The following ZNF469 variants were observed in gnomAD, a reference collection of about 807,000 sequenced individuals.
ZNF469 encodes the protein zinc finger protein 469.
Under a neutral mutation model 1.0 loss-of-function variants are expected in ZNF469, and 1 was observed. The ratio of observed to expected loss-of-function variants is 1.00; its 90% CI spans 0.35 to 4.73. The LOEUF is 4.73. Among genes scored for constraint, ZNF469 ranks in the 30% most tolerant of loss-of-function variants. ZNF469 has a pLI of 0.16. For missense variants in ZNF469, 6,100 were observed against 5,356.3 expected (o/e 1.14, Z -4.33); for synonymous variants, 2,703 against 2,363.4 (o/e 1.14, Z -4.17).
At chr16:88,122,575 G>A in the ZNF469 span, among the ~76,000 whole-genome samples, 4 of 152,038 alleles carry the variant, frequency 2.6e-5, no homozygotes, top group Admixed American at 6.6e-5. Flanking sequence ...CACTCACTAC[G>A]GCCACGGCAG....
rs1473740101 is a variant in ZNF469, at chr16:88,383,271, CGCCTGGGCGCGCGCGGT to C, written c.-192+25_-192+41del. Among the ~76,000 whole-genome samples the C allele has an allele frequency of 6.8e-6, 1 of 147,082 alleles. No individual in the cohort carries two copies. The highest frequency in any genetic ancestry group is 1.5e-5 in the Non-Finnish European group (1 of 66,026). ...GGAGCGGAGGTGAGTGCGGATGCGCCGCCTGGGCGCGCGCGGTGCCTGGGGACCCCGGGCTGGAACGC... is the reference window on the plus strand; with the variant it reads ...GGAGCGGAGGTGAGTGCGGATGCGCCGCCTGGGGACCCCGGGCTGGAACGC... On this transcript the variant is annotated intron_variant, in intron 1 of 2. Transcript: ENST00000565624.
chr16:88,438,200 G>T lies in ZNF469; in HGVS notation c.10730G>T (p.Arg3577Met), dbSNP rs1906739110. 1 of 1,547,274 alleles carries T rather than the reference G, an allele frequency of 6.5e-7. No individual in the cohort carries two copies. The highest frequency in any genetic ancestry group is 8.7e-7 in the Non-Finnish European group (1 of 1,144,724). The change falls in exon 3 of 3, where the codon AGG becomes ATG. Residue 3577 changes from arginine (R) to methionine (M), a missense_variant. Coordinates refer to ENST00000565624, the MANE Select transcript of ZNF469 (RefSeq NM_001367624.2). ...GDCALDGALERPENEASPGSP... is the reference protein window; with the variant it reads ...GDCALDGALEMPENEASPGSP... ...TGCGCGCTGGACGGAGCCCTGGAGA[G>T]GCCAGAGAACGAGGCTTCCCCAGGC...
At chr16:88,186,092 T>G in the ZNF469 span, among the ~76,000 whole-genome samples, 1 of 152,348 alleles carries the variant, frequency 6.6e-6, no homozygotes, top group East Asian at 1.9e-4. Flanking sequence ...CCCGGATCAC[T>G]GGGCCGACAC....
chr16:88,428,321 G>A lies in ZNF469; in HGVS notation c.851G>A (p.Ser284Asn), dbSNP rs1905848558. The change falls in exon 3 of 3, where the codon AGC becomes AAC. Residue 284 changes from serine (S) to asparagine (N), a missense_variant. Transcript: ENST00000565624. The stretch of plus-strand genomic sequence containing the variant: ...CCCTTCCCGGCACTGCATGGGGCCA[G>A]CACAAAACCCTTCCCTGCGGATGTG... Reference protein sequence around the residue: ...QFPFPALHGASTKPFPADVAG... With the variant: ...QFPFPALHGANTKPFPADVAG... The A allele has an allele frequency of 1.3e-6, 2 of 1,549,996 alleles. No homozygotes were observed. The highest frequency in any genetic ancestry group is 1.7e-6 in the Non-Finnish European group (2 of 1,146,950).
chr16:88,374,335 C>G, the ZNF469 span, among the ~76,000 whole-genome samples: 1 of 152,184 alleles, frequency 6.6e-6, no homozygotes, highest in African/African-American at 2.4e-5. Flanking sequence ...GCAAAGCTGG[C>G]AGCAAGGGAG....
chr16:88,234,635 C>A, the ZNF469 span: 1 of 152,288 alleles, frequency 6.6e-6, no homozygotes, highest in South Asian at 2.1e-4. Flanking sequence ...GGGAGCTGGG[C>A]GCGCTCTTCT....
chr16:88,308,099 C>A, the ZNF469 span, among the ~76,000 whole-genome samples: 1 of 152,214 alleles, frequency 6.6e-6, no homozygotes, highest in African/African-American at 2.4e-5. Flanking sequence ...ATTATTCTTT[C>A]CCTGTTAAAC....
the ZNF469 span, among the ~76,000 whole-genome samples, chr16:88,246,040 G>C: frequency 6.6e-6 from 1 of 152,282 alleles, no homozygotes; most frequent in African/African-American, 2.4e-5. Context: ...GACACAGGAA[G>C]GTCAGCCAGT....
the ZNF469 span, among the ~76,000 whole-genome samples, chr16:88,291,148 G>A: frequency 0.58 from 87,556 of 152,018 alleles, 26,230 homozygotes; most frequent in East Asian, 0.78. Context: ...GGGGCAGTCC[G>A]GGCTCCCCAC....
At chr16:88,129,999 T>A in the ZNF469 span, among the ~76,000 whole-genome samples, 1 of 152,252 alleles carries the variant, frequency 6.6e-6, no homozygotes, top group South Asian at 2.1e-4. Flanking sequence ...GATCAAGTCC[T>A]GGTCCTGTGG....
intron 1 of ZNF469, among the ~76,000 whole-genome samples, chr16:88,393,779 G>A (rs531286218): frequency 2.6e-5 from 4 of 152,368 alleles, no homozygotes; most frequent in Admixed American, 1.3e-4. Flanking sequence ...CAGAGGCCAG[G>A]GCCGGTGTGC....
At chr16:88,364,273 A>G in the ZNF469 span, among the ~76,000 whole-genome samples, 4 of 152,192 alleles carry the variant, frequency 2.6e-5, no homozygotes, top group African/African-American at 9.7e-5. Context: ...AGGTGACTGC[A>G]TATGTACAGA....
rs574791859 is a variant in ZNF469, at chr16:88,428,734, C to A, written c.1264C>A (p.Pro422Thr). The A allele has an allele frequency of 1.3e-6, 2 of 1,547,168 alleles. No homozygotes were observed. The highest frequency in any genetic ancestry group is 2.4e-5 in the South Asian group (2 of 84,042). The change falls in exon 3 of 3, where the codon CCT becomes ACT. Residue 422 changes from proline (P) to threonine (T), a missense_variant. Physicochemically the swap from Pro to Thr is conservative, Grantham distance 38. Coordinates refer to ENST00000565624, the MANE Select transcript of ZNF469 (RefSeq NM_001367624.2). ...RASGVDTSPG[P>T]PDTELAAPGP... ...CAGTGGGGTGGACACCAGCCCGGGG[C>A]CTCCGGACACCGAGCTGGCCGCCCC... is the stretch of plus-strand genomic sequence containing the variant.
Position 88,424,542 on chromosome 16 carries a change from G to C in ZNF469, c.-191-265G>C, listed in dbSNP as rs1367388552. On this transcript the variant is annotated intron_variant, in intron 1 of 2. Coordinates refer to ENST00000565624, the MANE Select transcript of ZNF469 (RefSeq NM_001367624.2). This position sits in a 1 kb window ranked among gnomAD's most constrained non-coding sequence, Gnocchi z 4.3. ...TGCGTACATAAAGACCCAACAAAAA[G>C]AGATTTAAGATAGCCGTCAAAGCTG... is the stretch of plus-strand genomic sequence containing the variant. Among the ~76,000 whole-genome samples the C allele has an allele frequency of 3.3e-5, 5 of 152,184 alleles. No homozygotes were observed. Among genetic ancestry groups the C allele is most frequent in the African/African-American group, 9.7e-5 (4 of 41,444 alleles).
the ZNF469 span, among the ~76,000 whole-genome samples, chr16:88,243,911 CATATATATATATATATAT>C: frequency 0.013 from 338 of 26,280 alleles, 12 homozygotes; most frequent in African/African-American, 0.023. Flanking sequence ...TGGCTGGATG[CATATATATATATATATAT>C]ATATATATAT....
At position 88,433,149 on chromosome 16, in the gene ZNF469, C is replaced by T; in HGVS notation, c.5679C>T (p.Ser1893=). Residue 1893 remains serine (S), a synonymous_variant, in exon 3 of 3, where the codon TCC becomes TCT. Coordinates refer to ENST00000565624, the MANE Select transcript of ZNF469 (RefSeq NM_001367624.2). ...CCAACACCCACCCTAGCAGGAGGTC[C>T]CAGGACCCAGCTTTGAGCCCCCCCA... ...CVSNTHPSRR[S]QDPALSPPIR... 5 of 1,550,334 alleles carry T rather than the reference C, an allele frequency of 3.2e-6. No homozygotes were observed. Among genetic ancestry groups the T allele is most frequent in the Non-Finnish European group, 4.4e-6 (5 of 1,146,938 alleles).
In ZNF469 at chr16:88,420,893, G is replaced by A. The variant is rs190231401; in HGVS notation, c.-191-3914G>A. ...GGATCTGAGAGTCAAGCCCAGGTGG[G>A]GCTGGCCCCAAAGCCCCCTGTGTGG... On this transcript the variant is annotated intron_variant, in intron 1 of 2. Coordinates refer to ENST00000565624, the MANE Select transcript of ZNF469 (RefSeq NM_001367624.2). 2.0e-3 allele frequency among the ~76,000 whole-genome samples: 301 copies of A among 152,358 alleles called. 1 individual carries two copies. The highest frequency in any genetic ancestry group is 3.4e-3 in the Middle Eastern group (1 of 294).
the ZNF469 span, among the ~76,000 whole-genome samples, chr16:88,353,735 T>G: frequency 1.3e-4 from 20 of 152,326 alleles, no homozygotes; most frequent in South Asian, 2.5e-3. Context: ...TGGATTGAAA[T>G]GAGGTCATAC....
chr16:88,162,423 CTGAAA>C, the ZNF469 span, among the ~76,000 whole-genome samples: 1 of 148,150 alleles, frequency 6.7e-6, no homozygotes, highest in South Asian at 2.1e-4. Flanking sequence ...TGCTTGAAGA[CTGAAA>C]TGAAGTTTGT....
Sources: allele counts gnomAD v4.1 joint callset (sites outside exome capture counted in the v4.1 genomes callset), GRCh38; gene constraint gnomAD v4.1.1; non-coding constraint Gnocchi (gnomAD v3.1); transcripts MANE v1.5; gene names NCBI Gene and HGNC (gene_info 2026-07-23, HGNC 2026-07-21).